PWWP2B: variants seen among roughly 807,000 people sequenced by gnomAD.
The protein encoded by PWWP2B is PWWP domain containing 2B.
In PWWP2B, 9 loss-of-function variants were observed where a neutral mutation model predicts 15.5. The observed-to-expected ratio is 0.58, with a 90% confidence interval of 0.35 to 1.02. PWWP2B has a LOEUF of 1.02. PWWP2B is among the 50% of genes least tolerant of loss of function. The probability of loss-of-function intolerance (pLI) is 0.02; values close to 1 mark genes in which losing one functional copy is unlikely to be tolerated. For missense variants in PWWP2B, 864 were observed against 865.3 expected, an observed-to-expected ratio of 1.00 and a Z score of 0.02; for synonymous variants, 474 against 403.6, an observed-to-expected ratio of 1.17 and a Z score of -2.09.
At chr10:132,409,482 C>CCACCCA (rs1474371930) in intron 2 of PWWP2B, among the ~76,000 whole-genome samples, 1 of 152,134 alleles carries the variant, frequency 6.6e-6, no homozygotes. Flanking sequence ...GAAGGCAATG[C>CCACCCA]CACCCACACC....
In PWWP2B at chr10:132,406,167, A is replaced by G; in HGVS notation, c.1667A>G (p.Asn556Ser). 1 of 1,613,550 alleles carries G rather than the reference A, an allele frequency of 6.2e-7. No individual in the cohort carries two copies. Among genetic ancestry groups the G allele is most frequent in the Non-Finnish European group, 8.5e-7 (1 of 1,180,012 alleles). The change falls in exon 2 of 3, where the codon AAT becomes AGT. Residue 556 changes from asparagine to serine, a missense_variant. Asn to Ser is a conservative substitution (Grantham distance 46). Around this residue, in one of 2 missense-constraint regions of PWWP2B, gnomAD observed 128 missense variants for 177.6 expected, o/e 0.72. Transcript: ENST00000305233. ...TCTGAATTTTTCAAACTGAGATTTA[A>G]TCGTAAGAAGAAGGGGATGTATCGG... ...PFSEFFKLRF[N>S]RKKKGMYRKA...
chr10:132,405,901 CCT>C lies in PWWP2B; in HGVS notation c.1402_1403del (p.Leu468AspfsTer29). The C allele has an allele frequency of 6.2e-7, 1 of 1,612,196 alleles. No homozygotes were observed. Among genetic ancestry groups the C allele is most frequent in the Non-Finnish European group, 8.5e-7 (1 of 1,179,358 alleles). On this transcript the variant is annotated frameshift_variant, in exon 2 of 3. Coordinates refer to ENST00000305233, the MANE Select transcript of PWWP2B (RefSeq NM_138499.4). LOFTEE classifies it low-confidence loss of function (END_TRUNC). ...SREARQTVPP[L>X]TVRLHTQSVS... ...GAGAGGCTCGCCAAACGGTGCCGCC[CCT>C]GACGGTCAGGCTGCACACACAGAGC... is the stretch of plus-strand genomic sequence containing the variant.
rs1160234155 is a variant in PWWP2B at position 132,404,920 on chromosome 10, G to A, written c.420G>A (p.Val140=). ...LWLRDTYKLW[V]PQPPPRTIKR... is the part of the protein sequence containing the mutation. ...TCCGGGACACGTACAAGCTGTGGGTGCCCCAGCCGCCGCCCAGGACCATCA... is the reference window on the plus strand; with the variant it reads ...TCCGGGACACGTACAAGCTGTGGGTACCCCAGCCGCCGCCCAGGACCATCA... The change falls in exon 2 of 3, where the codon GTG becomes GTA. Residue 140 remains valine (V), a synonymous_variant. Coordinates refer to ENST00000305233, the MANE Select transcript of PWWP2B (RefSeq NM_138499.4). The A allele has an allele frequency of 3.1e-6, 5 of 1,595,184 alleles. No homozygotes were observed. Among genetic ancestry groups the A allele is most frequent in the Non-Finnish European group, 3.4e-6 (4 of 1,178,378 alleles).
intron 2 of PWWP2B, among the ~76,000 whole-genome samples, chr10:132,408,262 A>G (rs928180392): frequency 3.9e-5 from 6 of 152,204 alleles, no homozygotes; most frequent in Non-Finnish European, 8.8e-5. Context: ...CAGTGTGATC[A>G]GAGCTGGTGT....
At chr10:132,407,022 G>A (rs919186030) in intron 2 of PWWP2B, among the ~76,000 whole-genome samples, 26 of 152,308 alleles carry the variant, frequency 1.7e-4, no homozygotes, top group Admixed American at 1.7e-3. Context: ...CAGGCCTTGT[G>A]TGGATTCTCT....
intron 1 of PWWP2B, among the ~76,000 whole-genome samples, 191 bp from the exon 2 acceptor site, chr10:132,404,435 T>C (rs1338202750): frequency 6.6e-6 from 1 of 152,140 alleles, no homozygotes; most frequent in African/African-American, 2.4e-5. Context: ...CCCTGCTGTG[T>C]CCAACCCAGG....
intron 2 of PWWP2B, among the ~76,000 whole-genome samples, chr10:132,411,998 C>T (rs1241598100): frequency 6.6e-6 from 1 of 152,254 alleles, no homozygotes; most frequent in African/African-American, 2.4e-5. Flanking sequence ...AAACAGAGGC[C>T]TGTAATTCTG....
chr10:132,406,691 ACT>A (rs2069704319), intron 2 of PWWP2B, among the ~76,000 whole-genome samples: 1 of 152,018 alleles, frequency 6.6e-6, no homozygotes, highest in African/African-American at 2.4e-5. Context: ...CAGGGAACAA[ACT>A]CTCACTGCTC....
chr10:132,403,058 C>G (rs1331397372), intron 1 of PWWP2B, among the ~76,000 whole-genome samples: 2 of 152,256 alleles, frequency 1.3e-5, no homozygotes, highest in Admixed American at 1.3e-4. Context: ...CCGCTTCCCA[C>G]GGCTGCTGCA....
At chr10:132,399,542 C>T (rs1193003206) in intron 1 of PWWP2B, among the ~76,000 whole-genome samples, 1 of 152,278 alleles carries the variant, frequency 6.6e-6, no homozygotes, top group Non-Finnish European at 1.5e-5. Flanking sequence ...GTGGAATTGC[C>T]TGGCTTGTGC....
intron 2 of PWWP2B, among the ~76,000 whole-genome samples, chr10:132,406,929 C>T (rs935475410): frequency 6.6e-6 from 1 of 152,204 alleles, no homozygotes; most frequent in African/African-American, 2.4e-5. Context: ...CGCCCGGGAC[C>T]TGGGACATGG....
Position 132,405,933 on chromosome 10 carries a change from C to T in PWWP2B, c.1433C>T (p.Ser478Leu), listed in dbSNP as rs750109823. The change falls in exon 2 of 3, where the codon TCG becomes TTG. Residue 478 changes from serine (S) to leucine (L), a missense_variant. Ser to Leu is a moderately radical substitution (Grantham distance 145, BLOSUM62 -2). Transcript: ENST00000305233. ...LTVRLHTQSV[S>L]ECITEDGRTV... ...GTCAGGCTGCACACACAGAGCGTGT[C>T]GGAGTGCATCACGGAGGACGGCAGG... 3 of 1,613,198 alleles carry T rather than the reference C, an allele frequency of 1.9e-6. No individual in the cohort carries two copies. Among genetic ancestry groups the T allele is most frequent in the Admixed American group, 1.7e-5 (1 of 60,024 alleles).
At chr10:132,402,534 T>G (rs1455999908) in intron 1 of PWWP2B, among the ~76,000 whole-genome samples, 1 of 152,100 alleles carries the variant, frequency 6.6e-6, no homozygotes, top group Non-Finnish European at 1.5e-5. Context: ...GCGTGAGGAG[T>G]GTGCATGCAC....
intron 2 of PWWP2B, among the ~76,000 whole-genome samples, chr10:132,416,727 C>T (rs1485704023): frequency 6.6e-6 from 1 of 152,116 alleles, no homozygotes; most frequent in Non-Finnish European, 1.5e-5. Context: ...ACACCATGAG[C>T]CCGGCACAGG....
Position 132,417,206 on chromosome 10 carries a change from TC to T in PWWP2B, c.*164del. ...AGGCCCCCCGGGGACCGGCAGTGTG[TC>T]CAGGGAGGGGATGGCCCTGAGCCCA... is the stretch of plus-strand genomic sequence containing the variant. On this transcript the variant is annotated 3_prime_UTR_variant, in exon 3 of 3. Transcript: ENST00000305233. 2 of 1,031,674 alleles carry T rather than the reference TC, an allele frequency of 1.9e-6. No homozygotes were observed. The highest frequency in any genetic ancestry group is 3.0e-6 in the Non-Finnish European group (2 of 662,754). 63.9% of individuals were successfully genotyped at this position (1,031,674 alleles called of 1,614,324 possible).
intron 2 of PWWP2B, among the ~76,000 whole-genome samples, chr10:132,413,178 A>C (rs1396189676): frequency 6.6e-6 from 1 of 152,258 alleles, no homozygotes; most frequent in Non-Finnish European, 1.5e-5. Flanking sequence ...GATGCCGGAA[A>C]TCTTGACGTT....
chr10:132,409,078 G>A (rs948254481), intron 2 of PWWP2B, among the ~76,000 whole-genome samples: 8 of 152,220 alleles, frequency 5.3e-5, no homozygotes, highest in African/African-American at 1.4e-4. Flanking sequence ...CTGCTGTTGC[G>A]GTCTCAGGGA....
rs1241803961 is a variant in PWWP2B, at chr10:132,417,706, A to G, written c.*662A>G. On this transcript the variant is annotated 3_prime_UTR_variant, in exon 3 of 3. Transcript: ENST00000305233. ...CCTGCAGATGCTGCTACGAGTGACC[A>G]GTGCTGTGTGGAGGAGGCCAAGGGC... 6.5e-6 allele frequency: 1 copy of G among 152,740 alleles called. No homozygotes were observed. The highest frequency in any genetic ancestry group is 1.9e-4 in the East Asian group (1 of 5,208). 9.5% of individuals were successfully genotyped at this position (152,740 alleles called of 1,614,324 possible).
intron 2 of PWWP2B, among the ~76,000 whole-genome samples, chr10:132,414,815 A>T (rs139817921): frequency 8.7e-4 from 132 of 152,326 alleles, no homozygotes; most frequent in African/African-American, 3.1e-3. Context: ...GGACTGAGAA[A>T]GTGAAGCCTC....
Sources: allele counts gnomAD v4.1 joint callset (sites outside exome capture counted in the v4.1 genomes callset), GRCh38; gene constraint gnomAD v4.1.1; regional missense constraint gnomAD v4.1.1; transcripts MANE v1.5; gene names NCBI Gene and HGNC (gene_info 2026-07-23, HGNC 2026-07-21).